TRIM44: variants seen among roughly 807,000 people sequenced by gnomAD.
The protein encoded by TRIM44 is tripartite motif containing 44, also known as tripartite motif-containing protein 44.
A neutral mutation model predicts 37.4 loss-of-function variants in TRIM44; 13 were observed. That is an observed-to-expected ratio of 0.35 (90% confidence interval 0.23 to 0.55). The LOEUF is 0.55. TRIM44 is among the 20% of genes least tolerant of loss of function. The pLI is 0.89. For synonymous variants in TRIM44, 175 were observed against 157.2 expected (o/e 1.11, Z -0.85); for missense variants, 426 against 437.2 (o/e 0.97, Z 0.23).
intron 1 of TRIM44, among the ~76,000 whole-genome samples, chr11:35,682,956 C>A (rs189046468): frequency 6.6e-6 from 1 of 152,164 alleles, no homozygotes; most frequent in African/African-American, 2.4e-5. Context: ...GAGCTCTTGC[C>A]GAAGAGCTTA....
In TRIM44 at chr11:35,725,976, A is replaced by G. The variant is rs1360444691; in HGVS notation, c.800A>G (p.Gln267Arg). 2 of 1,614,114 alleles carry G rather than the reference A, an allele frequency of 1.2e-6. No homozygotes were observed. Residue 267 changes from glutamine to arginine, a missense_variant, in exon 3 of 5, where the codon CAG becomes CGG. Physicochemically the swap from Gln to Arg is conservative, Grantham distance 43. This residue lies in a region of TRIM44 where 95 missense variants were observed against 134.2 expected (regional missense o/e 0.71). Coordinates refer to ENST00000299413, the MANE Select transcript of TRIM44 (RefSeq NM_017583.6). ...ATACAGCAGGAATTTAAGAAAGTTC[A>G]GAAAGTGATTGCTGATGAGGAGCAG... Reference protein sequence around the residue: ...MFIQQEFKKVQKVIADEEQKA... With the variant: ...MFIQQEFKKVRKVIADEEQKA...
rs12577141 is a variant in TRIM44 at position 35,722,454 on chromosome 11, C to T, written c.748-3470C>T. ...AAGTAGAGGAATGAAAAAATGGCTA[C>T]TCCATAGGCAGAGCAGCCCCAAGGG... On this transcript the variant is annotated intron_variant, in intron 2 of 4. Transcript: ENST00000299413. Among the ~76,000 whole-genome samples the T allele has an allele frequency of 2.4e-3, 372 of 152,336 alleles. 14 individuals are homozygous for T. The East Asian group carries it at 0.062, about 26-fold the overall frequency.
At chr11:35,704,449 C>G (rs1322856391) in intron 2 of TRIM44, among the ~76,000 whole-genome samples, 2 of 152,102 alleles carry the variant, frequency 1.3e-5, no homozygotes, top group African/African-American at 4.8e-5. Context: ...AACTCCAAGA[C>G]ACATAATTGT....
chr11:35,723,226 C>G (rs902000066), intron 2 of TRIM44, among the ~76,000 whole-genome samples: 1 of 152,122 alleles, frequency 6.6e-6, no homozygotes, highest in African/African-American at 2.4e-5. Flanking sequence ...ACTTTATTAT[C>G]GTACTTCTCT....
At chr11:35,746,163 T>G (rs1796472367) in intron 4 of TRIM44, among the ~76,000 whole-genome samples, 1 of 152,222 alleles carries the variant, frequency 6.6e-6, no homozygotes, top group Non-Finnish European at 1.5e-5. Context: ...AGCCTAATTC[T>G]CTTCTTCCTT....
chr11:35,764,254 T>C (rs1164322304), intron 4 of TRIM44, among the ~76,000 whole-genome samples: 2 of 152,212 alleles, frequency 1.3e-5, no homozygotes, highest in Non-Finnish European at 2.9e-5. Context: ...CCTTTTCTTT[T>C]GCTTTCTTTG....
chr11:35,749,404 G>T (rs1852534187), intron 4 of TRIM44, among the ~76,000 whole-genome samples: 3 of 152,228 alleles, frequency 2.0e-5, no homozygotes, highest in Admixed American at 2.0e-4. Flanking sequence ...AGCAGTAGAG[G>T]CCGGGTGCTA....
At chr11:35,761,393 C>CTT (rs1342468832) in intron 4 of TRIM44, among the ~76,000 whole-genome samples, 1 of 30,250 alleles carries the variant, frequency 3.3e-5, no homozygotes, top group Admixed American at 4.3e-4. Flanking sequence ...TGTTTGCTCT[C>CTT]TCTCTCTCTC....
At chr11:35,772,997 C>T (rs1852893970) in intron 4 of TRIM44, among the ~76,000 whole-genome samples, 1 of 152,018 alleles carries the variant, frequency 6.6e-6, no homozygotes, top group African/African-American at 2.4e-5. Context: ...GTGGGAGGGA[C>T]CTGGTGGGAG....
At chr11:35,767,054 C>G (rs16927908) in intron 4 of TRIM44, among the ~76,000 whole-genome samples, 4,054 of 152,272 alleles carry the variant, frequency 0.027, 136 homozygotes, top group African/African-American at 0.077. Context: ...CAACACGTTT[C>G]TGGTGCTCTG....
chr11:35,689,937 T>C (rs773649923), intron 2 of TRIM44, among the ~76,000 whole-genome samples: 11 of 152,232 alleles, frequency 7.2e-5, no homozygotes, highest in African/African-American at 2.4e-4. Flanking sequence ...CCCTCTGATA[T>C]GCACTGTTCA....
At chr11:35,676,293 GT>G (rs1851459976) in intron 1 of TRIM44, among the ~76,000 whole-genome samples, 1 of 152,174 alleles carries the variant, frequency 6.6e-6, no homozygotes, top group Non-Finnish European at 1.5e-5. Context: ...GCCATCTAAG[GT>G]TCTATTCTGA....
At chr11:35,693,402 T>G (rs1431542812) in intron 2 of TRIM44, among the ~76,000 whole-genome samples, 1 of 152,114 alleles carries the variant, frequency 6.6e-6, no homozygotes, top group African/African-American at 2.4e-5. Context: ...TGAAACCCAC[T>G]GAGAAACAGT....
At chr11:35,762,089 A>G (rs1437627198) in intron 4 of TRIM44, among the ~76,000 whole-genome samples, 1 of 152,096 alleles carries the variant, frequency 6.6e-6, no homozygotes, top group Non-Finnish European at 1.5e-5. Flanking sequence ...ACATGATGAG[A>G]CTGGAGAACA....
In TRIM44 at chr11:35,812,370, A is replaced by G. The variant is rs929063195; in HGVS notation, c.*5985A>G. On this transcript the variant is annotated 3_prime_UTR_variant, in exon 5 of 5. Coordinates refer to ENST00000299413, the MANE Select transcript of TRIM44 (RefSeq NM_017583.6). ...CTTGAAGTCAGTAACAGACTGCACTAAGTGTCTGTGCTTGTTAACTATTGT... is the reference window on the plus strand; with the variant it reads ...CTTGAAGTCAGTAACAGACTGCACTGAGTGTCTGTGCTTGTTAACTATTGT... The G allele has an allele frequency of 6.6e-6, 1 of 152,210 alleles. No individual in the cohort carries two copies. The highest frequency in any genetic ancestry group is 2.4e-5 in the African/African-American group (1 of 41,454). The allele number at this position is 152,210 out of a possible 1,614,324, so 9.4% of individuals were successfully genotyped here. A position where few individuals can be genotyped will look rare whatever the true frequency, so the allele number is the denominator to read the frequency against.
chr11:35,671,124 G>T (rs1263879544), intron 1 of TRIM44, among the ~76,000 whole-genome samples: 1 of 152,138 alleles, frequency 6.6e-6, no homozygotes, highest in African/African-American at 2.4e-5. Flanking sequence ...CTAAGTATTG[G>T]GAATATAGCA....
intron 2 of TRIM44, among the ~76,000 whole-genome samples, chr11:35,723,306 C>A (rs1852131825): frequency 6.6e-6 from 1 of 152,052 alleles, no homozygotes; most frequent in African/African-American, 2.4e-5. Flanking sequence ...TAGTTCTGAC[C>A]ATACAGTGGT....
intron 4 of TRIM44, among the ~76,000 whole-genome samples, chr11:35,760,080 T>TGCCCTCAGAGGTGGA (rs1852701550): frequency 6.6e-6 from 1 of 152,252 alleles, no homozygotes; most frequent in Non-Finnish European, 1.5e-5. Flanking sequence ...GCTTATGCCC[T>TGCCCTCAGAGGTGGA]GCCCTCAGAG....
chr11:35,685,852 C>T (rs540813819), intron 2 of TRIM44, among the ~76,000 whole-genome samples: 16 of 152,198 alleles, frequency 1.1e-4, no homozygotes, highest in South Asian at 2.1e-4. Flanking sequence ...TTAGTAGAGA[C>T]GGGGTTTCAC....
Sources: gnomAD v4.1 joint callset for allele counts (sites outside exome capture counted in the v4.1 genomes callset) on GRCh38, gnomAD v4.1.1 for gene constraint, gnomAD v4.1.1 regional missense constraint, MANE v1.5 for transcripts, NCBI Gene and HGNC (gene_info 2026-07-23, HGNC 2026-07-21) for gene names.